Variants in MMP24 observed in about 807,000 individuals in gnomAD.
MMP24 encodes matrix metalloproteinase-24.
In MMP24, 25 loss-of-function variants were observed where a neutral mutation model predicts 62.8. The ratio of observed to expected loss-of-function variants is 0.40; its 90% CI spans 0.29 to 0.56. The LOEUF is 0.56. Among genes scored for constraint, MMP24 ranks in the 20% least tolerant of loss-of-function variants. The pLI is 0.50. For missense variants in MMP24, 634 were observed against 853.6 expected, an observed-to-expected ratio of 0.74 and a Z score of 3.21; for synonymous variants, 319 against 350.5, an observed-to-expected ratio of 0.91 and a Z score of 1.00.
chr20:35,266,338 C>A (rs1392822310), intron 5 of MMP24, among the ~76,000 whole-genome samples: 3 of 126,550 alleles, frequency 2.4e-5, no homozygotes, highest in African/African-American at 9.4e-5. Flanking sequence ...GGGGACGGAG[C>A]GAGACTCCTT....
intron 8 of MMP24, chr20:35,272,097 TCAAA>T (rs1196124125): frequency 5.3e-6 from 3 of 562,300 alleles, no homozygotes; most frequent in Non-Finnish European, 9.4e-6. Flanking sequence ...ACAGCATTTC[TCAAA>T]CACTTATCCT....
At chr20:35,257,452 G>A (rs1276151726) in intron 4 of MMP24, among the ~76,000 whole-genome samples, 1 of 152,188 alleles carries the variant, frequency 6.6e-6, no homozygotes. Context: ...TAATATTTTT[G>A]AGGCCCTGTT....
In MMP24 at chr20:35,267,258, C is replaced by A. The variant is rs767735814; in HGVS notation, c.1033C>A (p.Arg345Ser). The A allele has an allele frequency of 6.2e-7, 1 of 1,606,620 alleles. No homozygotes were observed. The highest frequency in any genetic ancestry group is 8.5e-7 in the Non-Finnish European group (1 of 1,176,878). ...AAGGCCACTCCCTACACTCCCCGTC[C>A]GCAGGATCCACTCACCATCGGAGAG... The part of the protein sequence containing the change: ...PTRPLPTLPV[R>S]RIHSPSERKH... The change falls in exon 6 of 9, where the codon CGC (arginine) becomes AGC (serine). Residue 345 changes from arginine (R) to serine (S), a missense_variant. Coordinates refer to ENST00000246186, the MANE Select transcript of MMP24 (RefSeq NM_006690.4).
intron 1 of MMP24, among the ~76,000 whole-genome samples, chr20:35,233,850 T>C (rs1226078895): frequency 6.6e-6 from 1 of 152,086 alleles, no homozygotes; most frequent in African/African-American, 2.4e-5. Context: ...CTGGGTGTGG[T>C]GGCATGTGCC....
intron 1 of MMP24, among the ~76,000 whole-genome samples, chr20:35,240,033 A>G (rs2060481975): frequency 6.6e-6 from 1 of 152,176 alleles, no homozygotes; most frequent in Admixed American, 6.5e-5. Context: ...CTGCCTGTCC[A>G]ACACTCTGAC....
intron 1 of MMP24, among the ~76,000 whole-genome samples, chr20:35,245,297 G>T (rs2060508602): frequency 1.3e-5 from 2 of 152,058 alleles, no homozygotes; most frequent in Non-Finnish European, 1.5e-5. Flanking sequence ...AAAGCACTGG[G>T]ATTACAGGCA....
chr20:35,267,090 A>G, intron 5 of MMP24, 115 bp from the exon 6 acceptor site: 1 of 812,632 alleles, frequency 1.2e-6, no homozygotes. Flanking sequence ...GGGGAGAGGG[A>G]ACAGGAGGCT....
At chr20:35,268,941 A>G (rs1025452416) in intron 6 of MMP24, among the ~76,000 whole-genome samples, 19 of 151,798 alleles carry the variant, frequency 1.3e-4, no homozygotes, top group East Asian at 3.9e-4. Context: ...GCAGGAGAAT[A>G]GCATGAACCT....
chr20:35,248,306 CTTT>C (rs11479770), intron 2 of MMP24, among the ~76,000 whole-genome samples: 1 of 136,782 alleles, frequency 7.3e-6, no homozygotes. Flanking sequence ...TTCCCCCCCC[CTTT>C]TTTTTTTTTT....
rs373842436 is a variant in MMP24 at position 35,254,627 on chromosome 20, C to T, written c.690C>T (p.Gly230=). The change falls in exon 4 of 9, where the codon GGC becomes GGT. Residue 230 remains glycine, a synonymous_variant. Transcript: ENST00000246186. ...IMIFFASGFH[G]DSSPFDGEGG... ...TCTTTTTTGCTTCTGGTTTCCATGG[C>T]GACAGCTCCCCATTTGATGGAGAAG... 72 of 1,614,042 alleles carry T rather than the reference C, an allele frequency of 4.5e-5. No individual in the cohort carries two copies. The highest frequency in any genetic ancestry group is 3.5e-4 in the African/African-American group (26 of 74,918).
chr20:35,260,420 G>A (rs1355355021), intron 4 of MMP24, among the ~76,000 whole-genome samples: 1 of 152,268 alleles, frequency 6.6e-6, no homozygotes, highest in Non-Finnish European at 1.5e-5. Flanking sequence ...AGTGCTCAGA[G>A]CCGTGTTCCC....
At chr20:35,272,918 C>T (rs1161693150) in intron 8 of MMP24, among the ~76,000 whole-genome samples, 1 of 152,170 alleles carries the variant, frequency 6.6e-6, no homozygotes, top group African/African-American at 2.4e-5. Flanking sequence ...GAAATAATGC[C>T]TAGCACACCA....
At chr20:35,248,773 G>A (rs2060529004) in intron 2 of MMP24, among the ~76,000 whole-genome samples, 1 of 150,564 alleles carries the variant, frequency 6.6e-6, no homozygotes, top group Non-Finnish European at 1.5e-5. Context: ...TTGGCCCCGT[G>A]GTCTCCAGAG....
chr20:35,261,861 C>T (rs187019767), intron 4 of MMP24, among the ~76,000 whole-genome samples: 4 of 140,034 alleles, frequency 2.9e-5, no homozygotes, highest in Admixed American at 7.7e-5. Flanking sequence ...AGTGCAGTGG[C>T]GCGATCTTGG....
intron 2 of MMP24, among the ~76,000 whole-genome samples, chr20:35,249,462 T>C (rs2060533180): frequency 6.6e-6 from 1 of 152,236 alleles, no homozygotes; most frequent in South Asian, 2.1e-4. Flanking sequence ...TTTGTTAAAT[T>C]GCATTAATGA....
rs1457564849 is a variant in MMP24 at position 35,271,930 on chromosome 20, G to T, written c.1600+95G>T. 1 of 1,392,596 alleles carries T rather than the reference G, an allele frequency of 7.2e-7. No homozygotes were observed. The highest frequency in any genetic ancestry group is 9.5e-7 in the Non-Finnish European group (1 of 1,054,190). The allele number at this position is 1,392,596 out of a possible 1,614,324, so 86.3% of individuals were successfully genotyped here. On this transcript the variant is annotated intron_variant, in intron 8 of 8. Coordinates refer to ENST00000246186, the MANE Select transcript of MMP24 (RefSeq NM_006690.4). The surrounding 1 kb of genome is among the most constrained non-coding windows in gnomAD (Gnocchi z 4.0). ...CATACTCAGTGCCCATGGGCGTCCA[G>T]GTTTGAAAAAACACCTGGTGGCAGA...
chr20:35,248,663 T>C (rs2060528525), intron 2 of MMP24, among the ~76,000 whole-genome samples: 1 of 152,198 alleles, frequency 6.6e-6, no homozygotes, highest in Admixed American at 6.5e-5. Context: ...TCTGGGGTTT[T>C]AGGATCCTAA....
rs1370501262 is a variant in MMP24 at position 35,269,790 on chromosome 20, C to G, written c.1225C>G (p.Arg409Gly). Reference sequence around the variant, plus strand: ...CTGGTTCTGGCGTCTGCGCAATAACCGAGTGCAGGAGGGCTACCCCATGCA... The same window carrying G: ...CTGGTTCTGGCGTCTGCGCAATAACGGAGTGCAGGAGGGCTACCCCATGCA... ...DRWFWRLRNN[R>G]VQEGYPMQIE... The change falls in exon 7 of 9, where the codon CGA becomes GGA. Residue 409 changes from arginine to glycine, a missense_variant. Coordinates refer to ENST00000246186, the MANE Select transcript of MMP24 (RefSeq NM_006690.4). This position sits in a 1 kb window ranked among gnomAD's most constrained non-coding sequence, Gnocchi z 4.6. 1 of 1,572,190 alleles carries G rather than the reference C, an allele frequency of 6.4e-7. No individual in the cohort carries two copies. The highest frequency in any genetic ancestry group is 1.2e-5 in the South Asian group (1 of 85,080).
rs138705304 is a variant in MMP24, at chr20:35,268,771, C to T, written c.1195-989C>T. 8.8e-4 allele frequency among the ~76,000 whole-genome samples: 131 copies of T among 149,164 alleles called. 1 individual carries two copies. The highest frequency in any genetic ancestry group is 2.4e-3 in the East Asian group (12 of 4,914). On this transcript the variant is annotated intron_variant, in intron 6 of 8. Coordinates refer to ENST00000246186, the MANE Select transcript of MMP24 (RefSeq NM_006690.4). The stretch of plus-strand genomic sequence containing the variant: ...GCTGGGCGCAGTGGCTCACGCCTTG[C>T]AATCCCAACACTTTGGGAGGCCAAG...
Sources: gnomAD v4.1 joint callset for allele counts (sites outside exome capture counted in the v4.1 genomes callset) on GRCh38, gnomAD v4.1.1 for gene constraint, Gnocchi (gnomAD v3.1) non-coding constraint, MANE v1.5 for transcripts, NCBI Gene and HGNC (gene_info 2026-07-23, HGNC 2026-07-21) for gene names.